ASPRV1: variants seen among roughly 807,000 people sequenced by gnomAD.
ASPRV1 encodes retroviral-like aspartic protease 1.
ASPRV1 carries 7 observed loss-of-function variants against 11.0 expected under a neutral mutation model. The observed-to-expected ratio is 0.64, with a 90% CI of 0.36 to 1.20. The LOEUF is 1.20. Among genes scored for constraint, ASPRV1 ranks in the 50% most tolerant of loss-of-function variants. The pLI is 0.02. For synonymous variants in ASPRV1, 136 were observed against 138.4 expected, an observed-to-expected ratio of 0.98 and a Z score of 0.12; for missense variants, 299 against 320.0, an observed-to-expected ratio of 0.93 and a Z score of 0.50.
the ASPRV1 span, among the ~76,000 whole-genome samples, chr2:69,970,319 T>C: frequency 4.6e-5 from 7 of 152,168 alleles, no homozygotes; most frequent in Non-Finnish European, 1.0e-4. Context: ...CTTCCAAAGA[T>C]GTAAGTCTGC....
chr2:69,988,029 G>A, the ASPRV1 span, among the ~76,000 whole-genome samples: 1 of 152,224 alleles, frequency 6.6e-6, no homozygotes, highest in Non-Finnish European at 1.5e-5. Context: ...GGGAGAATGT[G>A]GAGAAACTGG....
At chr2:70,064,949 G>T in the ASPRV1 span, among the ~76,000 whole-genome samples, 43 of 151,920 alleles carry the variant, frequency 2.8e-4, no homozygotes, top group African/African-American at 1.0e-3. Flanking sequence ...CAAAACTTAA[G>T]CCAGGCATGG....
At chr2:70,079,373 A>G in the ASPRV1 span, among the ~76,000 whole-genome samples, 15 of 152,036 alleles carry the variant, frequency 9.9e-5, no homozygotes, top group African/African-American at 3.6e-4. Flanking sequence ...GCCACTGAGG[A>G]GGGGAGGGAG....
the ASPRV1 span, among the ~76,000 whole-genome samples, chr2:69,977,989 G>C: frequency 2.0e-5 from 3 of 152,136 alleles, no homozygotes; most frequent in African/African-American, 7.2e-5. Context: ...TGTGGGTATG[G>C]ATCCCCTAGA....
the ASPRV1 span, among the ~76,000 whole-genome samples, chr2:70,066,596 TTTTAC>T: frequency 5.4e-4 from 82 of 151,484 alleles, no homozygotes; most frequent in Middle Eastern, 0.017. Context: ...CATTCTTACA[TTTTAC>T]TTTATTTTTT....
the ASPRV1 span, among the ~76,000 whole-genome samples, chr2:69,983,520 G>T: frequency 6.6e-6 from 1 of 152,182 alleles, no homozygotes; most frequent in Non-Finnish European, 1.5e-5. Flanking sequence ...GGGCAAAGCT[G>T]CCACCTCCTG....
At chr2:70,083,019 C>A in the ASPRV1 span, among the ~76,000 whole-genome samples, 1 of 152,102 alleles carries the variant, frequency 6.6e-6, no homozygotes, top group South Asian at 2.1e-4. Flanking sequence ...ATTGAGGAAT[C>A]CTTCCCACCC....
At chr2:69,994,673 T>G in the ASPRV1 span, among the ~76,000 whole-genome samples, 8 of 152,074 alleles carry the variant, frequency 5.3e-5, no homozygotes, top group East Asian at 9.6e-4. Context: ...ATCAATTTAG[T>G]GGGTCACAAC....
At chr2:69,944,039 A>G in the ASPRV1 span, among the ~76,000 whole-genome samples, 7 of 152,126 alleles carry the variant, frequency 4.6e-5, no homozygotes, top group Admixed American at 4.6e-4. Context: ...GCTTTCTCCA[A>G]AGAGTAGGGG....
the ASPRV1 span, among the ~76,000 whole-genome samples, chr2:69,944,274 A>ATCT: frequency 6.6e-6 from 1 of 152,206 alleles, no homozygotes; most frequent in Non-Finnish European, 1.5e-5. Flanking sequence ...AAGATGACAA[A>ATCT]TCTTATTTCC....
chr2:69,994,207 T>C, the ASPRV1 span: 2 of 152,290 alleles, frequency 1.3e-5, no homozygotes, highest in Non-Finnish European at 2.9e-5. Context: ...CTATTTGTTA[T>C]GTGTGGCCCT....
chr2:70,043,057 T>G, the ASPRV1 span, among the ~76,000 whole-genome samples: 1 of 152,260 alleles, frequency 6.6e-6, no homozygotes, highest in African/African-American at 2.4e-5. Context: ...GAAAACGCTG[T>G]GAGAATTCTA....
the ASPRV1 span, among the ~76,000 whole-genome samples, chr2:69,933,494 G>A: frequency 9.3e-6 from 1 of 107,596 alleles, no homozygotes. Flanking sequence ...CAGAAGAAGT[G>A]AAAGACTTAC....
the ASPRV1 span, among the ~76,000 whole-genome samples, chr2:70,040,292 T>A: frequency 2.0e-5 from 3 of 152,170 alleles, no homozygotes; most frequent in Non-Finnish European, 4.4e-5. Flanking sequence ...GAAGATTGCT[T>A]GAGCTCAGAA....
chr2:70,074,071 T>C, the ASPRV1 span, among the ~76,000 whole-genome samples: 920 of 137,190 alleles, frequency 6.7e-3, 4 homozygotes, highest in Middle Eastern at 0.021. Context: ...GAGGCGGAGC[T>C]TGCAGTGAGC....
chr2:69,953,529 G>A, the ASPRV1 span, among the ~76,000 whole-genome samples: 5 of 152,172 alleles, frequency 3.3e-5, no homozygotes, highest in Non-Finnish European at 7.4e-5. Context: ...GTGTGACTGC[G>A]ACTGGGCAGT....
the ASPRV1 span, among the ~76,000 whole-genome samples, chr2:69,999,677 A>C: frequency 6.6e-6 from 1 of 150,842 alleles, no homozygotes; most frequent in African/African-American, 2.4e-5. Flanking sequence ...AAAAAAAAAA[A>C]AGACAGAAAC....
At chr2:70,016,716 T>C in the ASPRV1 span, among the ~76,000 whole-genome samples, 5 of 151,976 alleles carry the variant, frequency 3.3e-5, no homozygotes, top group Non-Finnish European at 5.9e-5. Flanking sequence ...TGGTGGCAAA[T>C]GCCTGTAATC....
At chr2:70,035,461 C>T in the ASPRV1 span, among the ~76,000 whole-genome samples, 1 of 151,868 alleles carries the variant, frequency 6.6e-6, no homozygotes, top group African/African-American at 2.4e-5. Context: ...TTTCACACAG[C>T]TCAACATGCC....
Sources: gnomAD v4.1 joint callset for allele counts (sites outside exome capture counted in the v4.1 genomes callset) on GRCh38, gnomAD v4.1.1 for gene constraint, MANE v1.5 for transcripts, NCBI Gene and HGNC (gene_info 2026-07-23, HGNC 2026-07-21) for gene names.